Variants in ATP1A1 observed in about 807,000 individuals in gnomAD.
ATP1A1 encodes sodium/potassium-transporting ATPase subunit alpha-1.
In ATP1A1, 14 loss-of-function variants were observed where a neutral mutation model predicts 114.8. The ratio of observed to expected loss-of-function variants is 0.12; its 90% CI spans 0.08 to 0.19. The LOEUF is 0.19. ATP1A1 is among the 10% of genes least tolerant of loss of function. The probability of loss-of-function intolerance (pLI) is 1.00; values close to 1 mark genes in which losing one functional copy is unlikely to be tolerated. For missense variants in ATP1A1, 524 were observed against 1,290.7 expected, an observed-to-expected ratio of 0.41 and a Z score of 9.10; for synonymous variants, 471 against 466.3, an observed-to-expected ratio of 1.01 and a Z score of -0.13.
Position 116,393,518 on chromosome 1 carries a change from C to G in ATP1A1, c.1468-13C>G. ...CAACCATCCAATGTTTATGTCTCAA[C>G]AATCCTTCACAGTTGTCTATTCATA... On this transcript the variant is annotated splice_polypyrimidine_tract_variant and intron_variant, in intron 11 of 22. Coordinates refer to ENST00000295598, the MANE Select transcript of ATP1A1 (RefSeq NM_000701.8). This position sits in a 1 kb window ranked among gnomAD's most constrained non-coding sequence, Gnocchi z 5.0. The G allele has an allele frequency of 6.2e-7, 1 of 1,605,470 alleles. No homozygotes were observed. The highest frequency in any genetic ancestry group is 8.5e-7 in the Non-Finnish European group (1 of 1,174,456).
chr1:116,389,360 C>G lies in ATP1A1; in HGVS notation c.755-79C>G, dbSNP rs1160567667. ...AACTCTTTTTGTTTTTTTAGTCATC[C>G]TATGTAATTGTGTAAAATCCGTGGC... On this transcript the variant is annotated intron_variant, in intron 7 of 22. Coordinates refer to ENST00000295598, the MANE Select transcript of ATP1A1 (RefSeq NM_000701.8). This position sits in a 1 kb window ranked among gnomAD's most constrained non-coding sequence, Gnocchi z 6.9. 2 of 1,550,804 alleles carry G rather than the reference C, an allele frequency of 1.3e-6. No individual in the cohort carries two copies. Among genetic ancestry groups the G allele is most frequent in the Admixed American group, 1.8e-5 (1 of 54,520 alleles).
intron 9 of ATP1A1, 29 bp from the exon 10 acceptor site, chr1:116,390,753 G>T (rs772811199): frequency 6.4e-7 from 1 of 1,570,394 alleles, no homozygotes; most frequent in Non-Finnish European, 8.8e-7. Context: ...ATGCATTGTT[G>T]TTCTGTTGTG....
intron 18 of ATP1A1, among the ~76,000 whole-genome samples, chr1:116,400,487 G>C (rs976972480): frequency 3.9e-5 from 6 of 152,190 alleles, no homozygotes; most frequent in Non-Finnish European, 8.8e-5. Context: ...AATTTTGAAA[G>C]ATGGAAAAGA....
At chr1:116,403,219 A>G (rs1469852459) in intron 21 of ATP1A1, among the ~76,000 whole-genome samples, 3 of 152,132 alleles carry the variant, frequency 2.0e-5, no homozygotes. Context: ...AGAAGAGGAG[A>G]CCACCGGAGT....
chr1:116,389,891 G>T lies in ATP1A1; in HGVS notation c.1023+184G>T. On this transcript the variant is annotated intron_variant, in intron 8 of 22. Transcript: ENST00000295598. This position sits in a 1 kb window ranked among gnomAD's most constrained non-coding sequence, Gnocchi z 6.9. ...AGAAAACCTCAGCATTTGTTTATACGTAAGATAACCCCAAAGCATACATTT... is the reference window on the plus strand; with the variant it reads ...AGAAAACCTCAGCATTTGTTTATACTTAAGATAACCCCAAAGCATACATTT... The T allele has an allele frequency of 1.1e-6, 1 of 927,882 alleles. No homozygotes were observed. Among genetic ancestry groups the T allele is most frequent in the Non-Finnish European group, 1.6e-6 (1 of 633,664 alleles). The allele number at this position is 927,882 out of a possible 1,614,324, so 57.5% of individuals were successfully genotyped here.
chr1:116,386,704 G>A (rs183299174), intron 3 of ATP1A1, among the ~76,000 whole-genome samples: 323 of 152,276 alleles, frequency 2.1e-3, no homozygotes, highest in Non-Finnish European at 3.6e-3. Context: ...TTTCCAGTGA[G>A]TACTTTTCAG....
At position 116,401,590 on chromosome 1, in the gene ATP1A1, A is replaced by T. The variant is rs1381791502; in HGVS notation, c.2886A>T (p.Thr962=). Residue 962 remains threonine (T), a synonymous_variant, in exon 21 of 23, where the codon ACA becomes ACT. Coordinates refer to ENST00000295598, the MANE Select transcript of ATP1A1 (RefSeq NM_000701.8). This position sits in a 1 kb window ranked among gnomAD's most constrained non-coding sequence, Gnocchi z 4.7. ...KILIFGLFEE[T]ALAAFLSYCP... ...TGATATTTGGCCTCTTTGAAGAGACAGCCCTGGCTGCTTTCCTTTCCTACT... is the reference window on the plus strand; with the variant it reads ...TGATATTTGGCCTCTTTGAAGAGACTGCCCTGGCTGCTTTCCTTTCCTACT... 1 of 1,614,256 alleles carries T rather than the reference A, an allele frequency of 6.2e-7. No homozygotes were observed.
intron 9 of ATP1A1, 101 bp from the exon 10 acceptor site, chr1:116,390,681 G>A (rs1652396353): frequency 1.0e-6 from 1 of 989,718 alleles, no homozygotes; most frequent in Non-Finnish European, 1.6e-6. Context: ...GAAATGAGAT[G>A]TATCACTGCA....
intron 1 of ATP1A1, 82 bp downstream of exon 1, chr1:116,373,605 A>C: frequency 7.8e-7 from 1 of 1,279,730 alleles, no homozygotes. Context: ...GACCGCGGCC[A>C]GCGGGAGGCG....
rs1652320670 is a variant in ATP1A1 at position 116,389,777 on chromosome 1, A to G, written c.1023+70A>G. On this transcript the variant is annotated intron_variant, in intron 8 of 22. Coordinates refer to ENST00000295598, the MANE Select transcript of ATP1A1 (RefSeq NM_000701.8). The surrounding 1 kb of genome is among the most constrained non-coding windows in gnomAD (Gnocchi z 6.9). ...GAATGTTACACTCTTCCGCTATCCT[A>G]TTCTAAGGTATTGCCAACTTATGTT... 1.9e-6 allele frequency: 3 copies of G among 1,574,218 alleles called. No individual in the cohort carries two copies. The highest frequency in any genetic ancestry group is 2.7e-5 in the African/African-American group (2 of 74,050).
Position 116,389,354 on chromosome 1 carries a change from G to T in ATP1A1, c.755-85G>T, listed in dbSNP as rs1652295697. On this transcript the variant is annotated intron_variant, in intron 7 of 22. Coordinates refer to ENST00000295598, the MANE Select transcript of ATP1A1 (RefSeq NM_000701.8). This position sits in a 1 kb window ranked among gnomAD's most constrained non-coding sequence, Gnocchi z 6.9. Reference sequence around the variant, plus strand: ...TTTATCAACTCTTTTTGTTTTTTTAGTCATCCTATGTAATTGTGTAAAATC... The same window carrying T: ...TTTATCAACTCTTTTTGTTTTTTTATTCATCCTATGTAATTGTGTAAAATC... The T allele has an allele frequency of 8.5e-6, 13 of 1,524,226 alleles. No homozygotes were observed. The Admixed American group carries it at 1.0e-4, about 12-fold the overall frequency. The allele number at this position is 1,524,226 out of a possible 1,614,324, so 94.4% of individuals were successfully genotyped here. A position where few individuals can be genotyped will look rare whatever the true frequency, so the allele number is the denominator to read the frequency against.
chr1:116,393,870 A>G lies in ATP1A1; in HGVS notation c.1660+147A>G. On this transcript the variant is annotated intron_variant, in intron 12 of 22. Transcript: ENST00000295598. This position sits in a 1 kb window ranked among gnomAD's most constrained non-coding sequence, Gnocchi z 5.0. The stretch of plus-strand genomic sequence containing the variant: ...TTAGGGGCAATCCTCCTATTTGTTT[A>G]TTTGCCCCCTATTATTTTGAAAACA... 1 of 806,996 alleles carries G rather than the reference A, an allele frequency of 1.2e-6. No homozygotes were observed. Among genetic ancestry groups the G allele is most frequent in the South Asian group, 2.1e-5 (1 of 48,340 alleles). The allele number at this position is 806,996 out of a possible 1,614,324, so 50.0% of individuals were successfully genotyped here.
rs1653453769 is a variant in ATP1A1, at chr1:116,401,277, A to T, written c.2849+17A>T. 2.5e-6 allele frequency: 4 copies of T among 1,613,762 alleles called. No individual in the cohort carries two copies. The highest frequency in any genetic ancestry group is 3.4e-6 in the Non-Finnish European group (4 of 1,179,754). On this transcript the variant is annotated intron_variant, in intron 20 of 22. Transcript: ENST00000295598. This position sits in a 1 kb window ranked among gnomAD's most constrained non-coding sequence, Gnocchi z 4.7. ...GGGGATGAAGTAAGTAATGAAGGAC[A>T]TGTCAAGGCCTTGGCTCAAAGAAGG...
Position 116,401,876 on chromosome 1 carries a change from A to G in ATP1A1, c.2951+221A>G. 3.4e-6 allele frequency: 2 copies of G among 585,316 alleles called. No homozygotes were observed. Among genetic ancestry groups the G allele is most frequent in the South Asian group, 2.1e-5 (1 of 48,290 alleles). The allele number at this position is 585,316 out of a possible 1,614,324, so 36.3% of individuals were successfully genotyped here. A position where few individuals can be genotyped will look rare whatever the true frequency, so the allele number is the denominator to read the frequency against. On this transcript the variant is annotated intron_variant, in intron 21 of 22. Coordinates refer to ENST00000295598, the MANE Select transcript of ATP1A1 (RefSeq NM_000701.8). This position sits in a 1 kb window ranked among gnomAD's most constrained non-coding sequence, Gnocchi z 4.7. ...TAGTGTTTAGGATTTGGCCCAAGAT[A>G]AGATAAAGCCACACAGGCTCTAGCT...
chr1:116,384,753 AC>A lies in ATP1A1; in HGVS notation c.124-29del. On this transcript the variant is annotated intron_variant, in intron 2 of 22. Coordinates refer to ENST00000295598, the MANE Select transcript of ATP1A1 (RefSeq NM_000701.8). The surrounding 1 kb of genome is among the most constrained non-coding windows in gnomAD (Gnocchi z 5.1). The stretch of plus-strand genomic sequence containing the variant: ...TCATTTTTTTATACTACACTGTTTA[AC>A]TATTTTCTTTGTTTCTGTTTTCCCT... The A allele has an allele frequency of 1.3e-6, 2 of 1,571,000 alleles. No individual in the cohort carries two copies. Among genetic ancestry groups the A allele is most frequent in the Non-Finnish European group, 1.7e-6 (2 of 1,150,476 alleles).
chr1:116,396,185 A>G (rs1178577935), intron 13 of ATP1A1, among the ~76,000 whole-genome samples: 2 of 151,530 alleles, frequency 1.3e-5, no homozygotes, highest in African/African-American at 4.9e-5. Context: ...TTCTTGTCAC[A>G]TGTTGCTTTT....
rs1309446870 is a variant in ATP1A1, at chr1:116,398,899, A to G, written c.2294-31A>G. On this transcript the variant is annotated intron_variant, in intron 16 of 22. Transcript: ENST00000295598. The surrounding 1 kb of genome is among the most constrained non-coding windows in gnomAD (Gnocchi z 6.1). Reference sequence around the variant, plus strand: ...CAGTTTCCAGTGTGCTTGTCTCATAAGCTAACAGTAAAAAATCTTGGTTTT... The same window carrying G: ...CAGTTTCCAGTGTGCTTGTCTCATAGGCTAACAGTAAAAAATCTTGGTTTT... 1.2e-6 allele frequency: 2 copies of G among 1,613,636 alleles called. No individual in the cohort carries two copies. The highest frequency in any genetic ancestry group is 1.7e-5 in the Admixed American group (1 of 60,008).
At chr1:116,383,436 A>C in intron 1 of ATP1A1, 1 of 827,502 alleles carries the variant, frequency 1.2e-6, no homozygotes, top group Non-Finnish European at 1.5e-6. Flanking sequence ...ATTTAGATGT[A>C]TTGTATCATT....
intron 12 of ATP1A1, among the ~76,000 whole-genome samples, chr1:116,394,536 AC>A (rs1652747424): frequency 6.6e-6 from 1 of 152,118 alleles, no homozygotes; most frequent in African/African-American, 2.4e-5. Context: ...GTAACGTCAT[AC>A]AACATTGAAA....
Sources: gnomAD v4.1 joint callset for allele counts (sites outside exome capture counted in the v4.1 genomes callset) on GRCh38, gnomAD v4.1.1 for gene constraint, Gnocchi (gnomAD v3.1) non-coding constraint, MANE v1.5 for transcripts, NCBI Gene and HGNC (gene_info 2026-07-23, HGNC 2026-07-21) for gene names.